Variants in DNAH14 observed in about 807,000 individuals in gnomAD.
DNAH14 encodes axonemal beta dynein heavy chain 14.
In DNAH14, 478 loss-of-function variants were observed where a neutral mutation model predicts 520.9. That is an observed-to-expected ratio of 0.92 (90% CI 0.85 to 0.99). The LOEUF is 0.99. Ranked by LOEUF, DNAH14 falls within the 50% of genes least tolerant of loss-of-function variation. The pLI, the probability that DNAH14 is intolerant of heterozygous loss-of-function variation, is 0.00. For missense variants in DNAH14, 4,831 were observed against 5,234.5 expected (o/e 0.92, Z 2.38); for synonymous variants, 1,581 against 1,757.2 (o/e 0.90, Z 2.51).
chr1:225,188,525 G>C (rs1298581204), intron 37 of DNAH14, among the ~76,000 whole-genome samples: 1 of 151,976 alleles, frequency 6.6e-6, no homozygotes. Context: ...AAAGGGTTCT[G>C]TAATATCTGT....
intron 79 of DNAH14, 94 bp downstream of exon 79, chr1:225,377,530 T>G: frequency 8.0e-7 from 1 of 1,256,330 alleles, no homozygotes; most frequent in South Asian, 1.6e-5. Context: ...GAGGCTGAGG[T>G]GGACAGATTG....
rs199897133 is a variant in DNAH14, at chr1:225,046,956, G to T, written c.1912+2973G>T. Among the ~76,000 whole-genome samples, 13 of 151,988 alleles carry T rather than the reference G, an allele frequency of 8.6e-5. No homozygotes were observed. The East Asian group carries it at 2.3e-3, about 27-fold the overall frequency. ...TTTCCGTCACCTCAAGATACTTCAG[G>T]CTCATCTTGTATTTTCTCTGCCCCA... is the stretch of plus-strand genomic sequence containing the variant. On this transcript the variant is annotated intron_variant, in intron 15 of 85. Transcript: ENST00000682510.
At chr1:224,992,296 A>G (rs2063113548) in intron 8 of DNAH14, among the ~76,000 whole-genome samples, 1 of 152,158 alleles carries the variant, frequency 6.6e-6, no homozygotes, top group Admixed American at 6.5e-5. Flanking sequence ...TTTGATGGCA[A>G]TTGCATTGAA....
intron 80 of DNAH14, 21 bp downstream of exon 80, chr1:225,380,343 T>C: frequency 6.5e-7 from 1 of 1,541,850 alleles, no homozygotes; most frequent in East Asian, 2.5e-5. Flanking sequence ...GACAGGAGCT[T>C]TTTCCCCTTA....
intron 10 of DNAH14, among the ~76,000 whole-genome samples, chr1:225,014,275 T>C (rs1233254543): frequency 1.3e-5 from 2 of 152,150 alleles, no homozygotes; most frequent in African/African-American, 2.4e-5. Flanking sequence ...TTGCCCTCTT[T>C]GGGCTGCACC....
At position 225,354,361 on chromosome 1, in the gene DNAH14, T is replaced by C. The variant is rs80300743; in HGVS notation, c.11619+473T>C. ...CATCCACCAACATGACCTTTATTAT[T>C]AATAAAAGGATATTTTTGCCCAGCA... On this transcript the variant is annotated intron_variant, in intron 73 of 85. Transcript: ENST00000682510. 2,910 of 657,254 alleles carry C rather than the reference T, an allele frequency of 4.4e-3. 62 individuals carry two copies. The African/African-American group carries it at 0.044, about 10-fold the overall frequency. 40.7% of individuals were successfully genotyped at this position (657,254 alleles called of 1,614,324 possible). A position where few individuals can be genotyped will look rare whatever the true frequency, so the allele number is the denominator to read the frequency against.
intron 6 of DNAH14, chr1:224,967,964 C>A (rs1424276049): frequency 3.6e-6 from 4 of 1,119,376 alleles, no homozygotes; most frequent in East Asian, 9.2e-5. Flanking sequence ...AGAAATCCCC[C>A]TTTTACACTC....
At chr1:225,043,207 A>G in intron 13 of DNAH14, 93 bp downstream of exon 13, 4 of 1,225,444 alleles carry the variant, frequency 3.3e-6, no homozygotes, top group Non-Finnish European at 4.3e-6. Flanking sequence ...AGGTGGGAGG[A>G]TCACTTGATG....
At chr1:225,051,190 C>T (rs2068502385) in intron 16 of DNAH14, among the ~76,000 whole-genome samples, 1 of 152,120 alleles carries the variant, frequency 6.6e-6, no homozygotes, top group Non-Finnish European at 1.5e-5. Flanking sequence ...ATTGGTGTTT[C>T]CAGTACATGG....
intron 69 of DNAH14, among the ~76,000 whole-genome samples, chr1:225,343,628 AT>A (rs1452725842): frequency 6.6e-6 from 1 of 152,172 alleles, no homozygotes; most frequent in Non-Finnish European, 1.5e-5. Context: ...TTAGAAGCAT[AT>A]TTTTTATTAT....
chr1:225,304,611 C>A (rs1272954077), intron 57 of DNAH14, among the ~76,000 whole-genome samples: 1 of 151,912 alleles, frequency 6.6e-6, no homozygotes, highest in Non-Finnish European at 1.5e-5. Context: ...TAACCCTTGG[C>A]CATTGATACT....
intron 66 of DNAH14, among the ~76,000 whole-genome samples, chr1:225,335,576 CAT>C (rs2094963208): frequency 6.8e-6 from 1 of 147,882 alleles, no homozygotes; most frequent in South Asian, 2.1e-4. Flanking sequence ...TGTATATACG[CAT>C]ATGTGCATAT....
chr1:225,179,190 T>C (rs2083683588), intron 36 of DNAH14, among the ~76,000 whole-genome samples: 2 of 152,232 alleles, frequency 1.3e-5, no homozygotes, highest in African/African-American at 4.8e-5. Context: ...TTGCTTTAAT[T>C]GGAGAATTTA....
intron 1 of DNAH14, among the ~76,000 whole-genome samples, chr1:224,946,589 A>G (rs970644104): frequency 6.6e-6 from 1 of 152,104 alleles, no homozygotes; most frequent in African/African-American, 2.4e-5. Flanking sequence ...TAGACTGGAG[A>G]TGTTCCTATT....
chr1:225,129,258 A>G (rs1269069235), intron 27 of DNAH14, among the ~76,000 whole-genome samples: 1 of 152,202 alleles, frequency 6.6e-6, no homozygotes, highest in Non-Finnish European at 1.5e-5. Context: ...TAATTTATAG[A>G]TTCAATGCCA....
intron 17 of DNAH14, among the ~76,000 whole-genome samples, chr1:225,055,566 A>C (rs1185204642): frequency 6.6e-6 from 1 of 152,022 alleles, no homozygotes; most frequent in Non-Finnish European, 1.5e-5. Context: ...TTTAAATTTT[A>C]GGGTACATGT....
intron 17 of DNAH14, among the ~76,000 whole-genome samples, chr1:225,075,074 G>T (rs1265394358): frequency 6.6e-6 from 1 of 152,210 alleles, no homozygotes; most frequent in Non-Finnish European, 1.5e-5. Flanking sequence ...ATACCTGAGT[G>T]ACTACTCTGC....
chr1:225,267,580 A>G (rs941577981), intron 49 of DNAH14, among the ~76,000 whole-genome samples: 2 of 152,090 alleles, frequency 1.3e-5, no homozygotes, highest in East Asian at 1.9e-4. Context: ...GTGAGCCACC[A>G]TGCCCGGCCA....
chr1:225,194,442 C>T lies in DNAH14; in HGVS notation c.5886+1531C>T, dbSNP rs117760042. 1.8e-4 allele frequency among the ~76,000 whole-genome samples: 28 copies of T among 152,104 alleles called. No individual in the cohort carries two copies. In the East Asian group the frequency reaches 5.0e-3, roughly 27 times the overall value. The stretch of plus-strand genomic sequence containing the variant: ...AAATAAGCAGTGGCAAAAGGACTTC[C>T]TGTTCAATACATGATGTTGGGATAC... On this transcript the variant is annotated intron_variant, in intron 38 of 85. Transcript: ENST00000682510.
Sources: gnomAD v4.1 joint callset for allele counts (sites outside exome capture counted in the v4.1 genomes callset) on GRCh38, gnomAD v4.1.1 for gene constraint, MANE v1.5 for transcripts, NCBI Gene and HGNC (gene_info 2026-07-23, HGNC 2026-07-21) for gene names.